The following SNX29 variants were observed in gnomAD, a reference collection of about 807,000 sequenced individuals.
SNX29 encodes sorting nexin 29.
A neutral mutation model predicts 102.1 loss-of-function variants in SNX29; 78 were observed. The observed-to-expected ratio is 0.76, with a 90% CI of 0.64 to 0.92. The LOEUF (loss-of-function observed/expected upper bound fraction) is 0.92, where lower values mean the gene tolerates loss of function less well. SNX29 is among the 40% of genes least tolerant of loss of function. The pLI, the probability that SNX29 is intolerant of heterozygous loss-of-function variation, is 0.00. For missense variants in SNX29, 1,280 were observed against 1,061.7 expected (o/e 1.21, Z -2.86); for synonymous variants, 580 against 414.5 (o/e 1.40, Z -4.85).
intron 14 of SNX29, among the ~76,000 whole-genome samples, chr16:12,239,213 T>C (rs1015139995): frequency 5.9e-5 from 9 of 152,208 alleles, no homozygotes; most frequent in Admixed American, 5.9e-4. Context: ...GTAGAGGTAG[T>C]GCTGGAGGTA....
chr16:12,068,615 G>A (rs1039726454), intron 9 of SNX29, among the ~76,000 whole-genome samples: 1 of 152,140 alleles, frequency 6.6e-6, no homozygotes, highest in Non-Finnish European at 1.5e-5. Flanking sequence ...CACGATCTCG[G>A]CTCACTGCAA....
At chr16:12,562,030 A>G (rs1011240555) in intron 20 of SNX29, among the ~76,000 whole-genome samples, 36 of 152,014 alleles carry the variant, frequency 2.4e-4, no homozygotes, top group African/African-American at 8.0e-4. Context: ...CCCCTCATGG[A>G]TTTAGGGATG....
intron 20 of SNX29, among the ~76,000 whole-genome samples, chr16:12,550,028 G>C (rs2561031): frequency 0.06 from 9,089 of 152,292 alleles, 452 homozygotes; most frequent in East Asian, 0.21. Context: ...TTGTAACTGA[G>C]ATGGAATGCC....
chr16:12,262,325 C>G (rs558551284), intron 14 of SNX29, among the ~76,000 whole-genome samples: 1 of 152,194 alleles, frequency 6.6e-6, no homozygotes, highest in African/African-American at 2.4e-5. Context: ...TGTTCAGGGT[C>G]ACAGAACACT....
At chr16:12,496,109 C>CTACTG (rs1247821833) in intron 19 of SNX29, among the ~76,000 whole-genome samples, 2 of 152,162 alleles carry the variant, frequency 1.3e-5, no homozygotes, top group African/African-American at 4.8e-5. Context: ...GGGGAATCAG[C>CTACTG]AGACATGGAG....
chr16:12,405,431 C>T (rs376066113), intron 18 of SNX29, among the ~76,000 whole-genome samples: 15 of 152,330 alleles, frequency 9.8e-5, no homozygotes, highest in African/African-American at 3.1e-4. Flanking sequence ...ATGGGTTCAG[C>T]CCTGCTTCCA....
chr16:12,078,060 A>G (rs1254813626), intron 10 of SNX29, among the ~76,000 whole-genome samples: 1 of 152,232 alleles, frequency 6.6e-6, no homozygotes, highest in East Asian at 1.9e-4. Context: ...CCATGCCTGA[A>G]TGAAGCATCT....
intron 20 of SNX29, among the ~76,000 whole-genome samples, chr16:12,562,054 C>T (rs1227069812): frequency 2.0e-5 from 3 of 149,856 alleles, no homozygotes; most frequent in Non-Finnish European, 4.5e-5. Flanking sequence ...TCATCTGTGC[C>T]GTTTTCCTTC....
rs534344885 is a variant in SNX29 at position 12,419,020 on chromosome 16, G to T, written c.2037+15491G>T. Among the ~76,000 whole-genome samples the T allele has an allele frequency of 3.3e-5, 5 of 152,186 alleles. No individual in the cohort carries two copies. In the South Asian group the frequency reaches 1.0e-3, roughly 32 times the overall value. On this transcript the variant is annotated intron_variant, in intron 18 of 20. Coordinates refer to ENST00000566228, the MANE Select transcript of SNX29 (RefSeq NM_032167.5). ...TGGCTTGTAGTGGGCAGGGCCGGGG[G>T]TGCTGCTCAACATCCTACAGTGCAC... is the stretch of plus-strand genomic sequence containing the variant.
At position 12,544,998 on chromosome 16, in the gene SNX29, C is replaced by G. The variant is rs550458630; in HGVS notation, c.2318+20157C>G. On this transcript the variant is annotated intron_variant, in intron 20 of 20. Transcript: ENST00000566228. Reference sequence around the variant, plus strand: ...ATTGAGTAACTTGTCCTAGGTGGCACAGCTAGGAAGCAGCAGATGTCGGCT... The same window carrying G: ...ATTGAGTAACTTGTCCTAGGTGGCAGAGCTAGGAAGCAGCAGATGTCGGCT... 3.3e-5 allele frequency among the ~76,000 whole-genome samples: 5 copies of G among 152,298 alleles called. No individual in the cohort carries two copies. The South Asian group carries it at 6.2e-4, about 19-fold the overall frequency.
intron 14 of SNX29, among the ~76,000 whole-genome samples, chr16:12,226,753 A>G (rs1318869589): frequency 2.6e-5 from 4 of 151,826 alleles, no homozygotes; most frequent in African/African-American, 9.7e-5. Context: ...TTTTGTGTGT[A>G]TTTTTAGTAG....
intron 3 of SNX29, among the ~76,000 whole-genome samples, chr16:12,010,145 C>A (rs568511667): frequency 1.3e-5 from 2 of 152,300 alleles, no homozygotes; most frequent in South Asian, 4.1e-4. Context: ...TCATGTGCAA[C>A]CCTTAAAACA....
At position 12,274,304 on chromosome 16, in the gene SNX29, ATTCTT is replaced by A. The variant is rs760260794; in HGVS notation, c.1679-3628_1679-3624del. Among the ~76,000 whole-genome samples, 228 of 152,182 alleles carry A rather than the reference ATTCTT, an allele frequency of 1.5e-3. 1 individual carries two copies. The highest frequency in any genetic ancestry group is 3.2e-3 in the Admixed American group (49 of 15,278). On this transcript the variant is annotated intron_variant, in intron 14 of 20. Transcript: ENST00000566228. ...TTTCTAGTTTTTATCCTTTGTAAAA[ATTCTT>A]CTTCCACTTCAGAAGTTGGTAGCCT...
intron 19 of SNX29, among the ~76,000 whole-genome samples, chr16:12,509,247 G>A (rs2089505126): frequency 6.6e-6 from 1 of 152,168 alleles, no homozygotes; most frequent in African/African-American, 2.4e-5. Flanking sequence ...AGGGATTCAG[G>A]GCATGGGGAG....
chr16:12,362,464 T>G (rs16959312), intron 16 of SNX29, among the ~76,000 whole-genome samples: 13,588 of 151,704 alleles, frequency 0.09, 1,071 homozygotes, highest in East Asian at 0.38. Context: ...CACGATGTAG[T>G]TCCAACAACG....
chr16:12,327,578 T>C (rs936208835), intron 15 of SNX29, among the ~76,000 whole-genome samples: 6 of 152,106 alleles, frequency 3.9e-5, no homozygotes, highest in Non-Finnish European at 8.8e-5. Flanking sequence ...AATGACCTCA[T>C]TTACCCTTAG....
chr16:12,094,298 G>A (rs1451678544), intron 11 of SNX29, among the ~76,000 whole-genome samples: 1 of 152,196 alleles, frequency 6.6e-6, no homozygotes, highest in Non-Finnish European at 1.5e-5. Context: ...AAATCCAAGA[G>A]AGTATCTGGC....
Position 11,996,184 on chromosome 16 carries a change from G to A in SNX29, c.8-3113G>A, listed in dbSNP as rs564982073. Among the ~76,000 whole-genome samples, 250 of 152,192 alleles carry A rather than the reference G, an allele frequency of 1.6e-3. 1 individual carries two copies. The highest frequency in any genetic ancestry group is 5.8e-3 in the African/African-American group (241 of 41,544). On this transcript the variant is annotated intron_variant, in intron 1 of 20. Transcript: ENST00000566228. ...TTTGGGAGGCAGAGGCAGGAGGATC[G>A]CTTGAGTCTGGGGTGAGACCCCGTC...
chr16:12,348,489 C>A (rs924119854), intron 15 of SNX29, among the ~76,000 whole-genome samples: 2 of 152,202 alleles, frequency 1.3e-5, no homozygotes, highest in Non-Finnish European at 2.9e-5. Flanking sequence ...CCTCTGCCTG[C>A]TGATGGCAGC....
Sources: allele counts gnomAD v4.1 joint callset (sites outside exome capture counted in the v4.1 genomes callset), GRCh38; gene constraint gnomAD v4.1.1; transcripts MANE v1.5; gene names NCBI Gene and HGNC (gene_info 2026-07-23, HGNC 2026-07-21).